BAIAP2L2: variants seen among roughly 807,000 people sequenced by gnomAD.
BAIAP2L2 encodes BAR/IMD domain-containing adapter protein 2-like 2.
Under a neutral mutation model 60.4 loss-of-function variants are expected in BAIAP2L2, and 65 were observed. That is an observed-to-expected ratio of 1.08 (90% CI 0.88 to 1.32). BAIAP2L2 has a LOEUF of 1.32. Among genes scored for constraint, BAIAP2L2 ranks in the 40% most tolerant of loss-of-function variants. The probability of loss-of-function intolerance (pLI) is 0.00; values close to 1 mark genes in which losing one functional copy is unlikely to be tolerated. For missense variants in BAIAP2L2, 836 were observed against 741.2 expected, an observed-to-expected ratio of 1.13 and a Z score of -1.48; for synonymous variants, 344 against 301.7, an observed-to-expected ratio of 1.14 and a Z score of -1.45.
chr22:38,097,972 G>A (rs2086477962), intron 6 of BAIAP2L2, 91 bp downstream of exon 6: 1 of 1,214,054 alleles, frequency 8.2e-7, no homozygotes, highest in Non-Finnish European at 1.2e-6. Flanking sequence ...GGGGAGCTCA[G>A]GGAGGCGTTC....
chr22:38,092,184 G>A (rs971343289), intron 7 of BAIAP2L2, among the ~76,000 whole-genome samples: 1 of 152,210 alleles, frequency 6.6e-6, no homozygotes, highest in African/African-American at 2.4e-5. Context: ...GACTAGACTT[G>A]GACTAAGCAA....
chr22:38,098,267 T>C, intron 5 of BAIAP2L2, 88 bp from the exon 6 acceptor site: 2 of 1,509,596 alleles, frequency 1.3e-6, no homozygotes, highest in Non-Finnish European at 1.8e-6. Flanking sequence ...CCTGGAAGTT[T>C]GGAGACTTGG....
chr22:38,091,826 A>G (rs998989666), intron 7 of BAIAP2L2, among the ~76,000 whole-genome samples: 3 of 152,226 alleles, frequency 2.0e-5, no homozygotes, highest in Non-Finnish European at 4.4e-5. Context: ...CTACAAATTA[A>G]TAAGTGGATG....
In BAIAP2L2 at chr22:38,085,378, G is replaced by C; in HGVS notation, c.1515-3C>G. On this transcript the variant is annotated splice_region_variant and splice_polypyrimidine_tract_variant and intron_variant, in intron 13 of 13. Transcript: ENST00000381669. ...CAGTGGCAAAAGGATTTGTGCCCCT[G>C]TAGGAGGAGAGAGAGAATGGGGTGA... 1 of 1,613,480 alleles carries C rather than the reference G, an allele frequency of 6.2e-7. No individual in the cohort carries two copies. Among genetic ancestry groups the C allele is most frequent in the Non-Finnish European group, 8.5e-7 (1 of 1,179,558 alleles).
intron 2 of BAIAP2L2, among the ~76,000 whole-genome samples, chr22:38,108,803 G>A (rs1315005205): frequency 6.6e-6 from 1 of 152,030 alleles, no homozygotes; most frequent in African/African-American, 2.4e-5. Flanking sequence ...GTGGCATCCA[G>A]GTGACGCCTA....
chr22:38,086,962 C>T (rs927876799), intron 11 of BAIAP2L2, among the ~76,000 whole-genome samples, 162 bp downstream of exon 11: 14 of 149,224 alleles, frequency 9.4e-5, no homozygotes, highest in African/African-American at 3.2e-4. Flanking sequence ...CGCCACTGCA[C>T]TCCAGCCTGG....
In BAIAP2L2 at chr22:38,085,223, TGCTGCTGTC is replaced by T. The variant is rs1442683081; in HGVS notation, c.*68_*76del. On this transcript the variant is annotated 3_prime_UTR_variant, in exon 14 of 14. Coordinates refer to ENST00000381669, the MANE Select transcript of BAIAP2L2 (RefSeq NM_025045.6). ...ACCCGCTTCTTGGATCTGCTGCTGT[TGCTGCTGTC>T]GCTGCCATTGCCAGCTCTGAACAGC... The T allele has an allele frequency of 5.4e-5, 80 of 1,485,718 alleles. No individual in the cohort carries two copies. Among genetic ancestry groups the T allele is most frequent in the South Asian group, 3.2e-4 (27 of 85,552 alleles). 92.0% of individuals were successfully genotyped at this position (1,485,718 alleles called of 1,614,324 possible).
Position 38,087,145 on chromosome 22 carries a change from G to A in BAIAP2L2, c.1238C>T (p.Pro413Leu), listed in dbSNP as rs1443879002. ...TSMSPMTPMNPGNELPSRSYP... is the reference protein window; with the variant it reads ...TSMSPMTPMNLGNELPSRSYP... ...GTACCTGGAAGGCAGCTCGTTCCCG[G>A]GGTTCATGGGTGTCATGGGGGACAT... Residue 413 changes from proline (P) to leucine (L), a missense_variant, in exon 11 of 14, where the codon CCC becomes CTC. Transcript: ENST00000381669. The A allele has an allele frequency of 9.4e-6, 15 of 1,587,682 alleles. No homozygotes were observed. Among genetic ancestry groups the A allele is most frequent in the Non-Finnish European group, 1.2e-5 (14 of 1,169,570 alleles).
chr22:38,085,514 ATCT>A, intron 13 of BAIAP2L2, 139 bp from the exon 14 acceptor site: 4 of 1,284,236 alleles, frequency 3.1e-6, no homozygotes, highest in South Asian at 2.6e-5. Context: ...GCCCCGCTTC[ATCT>A]TTTTTTTTCT....
At chr22:38,096,445 A>G (rs897748189) in intron 7 of BAIAP2L2, among the ~76,000 whole-genome samples, 9 of 152,226 alleles carry the variant, frequency 5.9e-5, no homozygotes, top group Admixed American at 5.9e-4. Flanking sequence ...GCTTGAGGTC[A>G]GGAGTTTGAG....
At position 38,089,157 on chromosome 22, in the gene BAIAP2L2, G is replaced by T; in HGVS notation, c.840C>A (p.Asp280Glu). ...HGSGSYGTEP[D>E]ARPASQLEPD... Reference sequence around the variant, plus strand: ...GCTCTAGCTGGGACGCGGGCCTCGCGTCGGGCTCGGTGCCGTAGGAGCCGG... The same window carrying T: ...GCTCTAGCTGGGACGCGGGCCTCGCTTCGGGCTCGGTGCCGTAGGAGCCGG... Residue 280 changes from aspartate (D) to glutamate (E), a missense_variant, in exon 9 of 14, where the codon GAC becomes GAA. Physicochemically the swap from Asp to Glu is conservative, Grantham distance 45. Coordinates refer to ENST00000381669, the MANE Select transcript of BAIAP2L2 (RefSeq NM_025045.6). 7.5e-7 allele frequency: 1 copy of T among 1,339,728 alleles called. No homozygotes were observed. The highest frequency in any genetic ancestry group is 9.5e-7 in the Non-Finnish European group (1 of 1,050,034). The allele number at this position is 1,339,728 out of a possible 1,614,324, so 83.0% of individuals were successfully genotyped here. A position where few individuals can be genotyped will look rare whatever the true frequency, so the allele number is the denominator to read the frequency against.
Position 38,110,612 on chromosome 22 carries a change from C to T in BAIAP2L2, c.-87G>A, listed in dbSNP as rs2086825428. 3.5e-6 allele frequency: 4 copies of T among 1,133,646 alleles called. No individual in the cohort carries two copies. Among genetic ancestry groups the T allele is most frequent in the Non-Finnish European group, 5.0e-6 (4 of 799,716 alleles). 70.2% of individuals were successfully genotyped at this position (1,133,646 alleles called of 1,614,324 possible). A position where few individuals can be genotyped will look rare whatever the true frequency, so the allele number is the denominator to read the frequency against. On this transcript the variant is annotated 5_prime_UTR_variant, in exon 1 of 14. Transcript: ENST00000381669. Reference sequence around the variant, plus strand: ...GCAGTGGTAGGTAGTCCCTCAGGTGCCCACGACTCAGCTGGCAGCGAGGAA... The same window carrying T: ...GCAGTGGTAGGTAGTCCCTCAGGTGTCCACGACTCAGCTGGCAGCGAGGAA...
At chr22:38,085,846 G>A (rs1601979527) in intron 12 of BAIAP2L2, 114 bp from the exon 13 acceptor site, 1 of 1,036,026 alleles carries the variant, frequency 9.7e-7, no homozygotes, top group East Asian at 2.4e-5. Flanking sequence ...GAGAGCCCCT[G>A]CCATGCCAGG....
Position 38,086,413 on chromosome 22 carries a change from G to T in BAIAP2L2, c.1296C>A (p.Asp432Glu). ...YPLRGSHSLD[D>E]LLDRPGNSIA... ...TGGAGTTGCCCGGCCGGTCCAGGAG[G>T]TCATCGAGGCTGTGGCTGCCCCGGA... Residue 432 changes from aspartate (D) to glutamate (E), a missense_variant, in exon 12 of 14, where the codon GAC becomes GAA. Asp to Glu is a conservative substitution (Grantham distance 45, BLOSUM62 2). Transcript: ENST00000381669. 4 of 1,529,862 alleles carry T rather than the reference G, an allele frequency of 2.6e-6. No homozygotes were observed. The highest frequency in any genetic ancestry group is 2.0e-5 in the Admixed American group (1 of 50,478). The allele number at this position is 1,529,862 out of a possible 1,614,324, so 94.8% of individuals were successfully genotyped here. A position where few individuals can be genotyped will look rare whatever the true frequency, so the allele number is the denominator to read the frequency against.
At chr22:38,108,808 C>T (rs142792970) in intron 2 of BAIAP2L2, among the ~76,000 whole-genome samples, 236 of 151,960 alleles carry the variant, frequency 1.6e-3, no homozygotes, top group Non-Finnish European at 2.1e-3. Flanking sequence ...ATCCAGGTGA[C>T]GCCTAGAAAT....
chr22:38,094,406 G>C (rs770429209), intron 7 of BAIAP2L2, among the ~76,000 whole-genome samples: 1 of 152,066 alleles, frequency 6.6e-6, no homozygotes, highest in South Asian at 2.1e-4. Flanking sequence ...GGGTGGCCTC[G>C]AACTCCTGTC....
chr22:38,095,639 AC>A (rs1374324216), intron 7 of BAIAP2L2, among the ~76,000 whole-genome samples: 5 of 152,300 alleles, frequency 3.3e-5, no homozygotes, highest in Non-Finnish European at 7.3e-5. Context: ...TGTTGGGGTT[AC>A]TGGTGTGAGC....
intron 4 of BAIAP2L2, among the ~76,000 whole-genome samples, chr22:38,105,648 G>T (rs578222240): frequency 2.0e-5 from 3 of 152,046 alleles, no homozygotes; most frequent in Middle Eastern, 3.4e-3. Context: ...GGGACCTTTA[G>T]GCCTTTTTCA....
chr22:38,096,298 G>A (rs887634016), intron 7 of BAIAP2L2, among the ~76,000 whole-genome samples: 1 of 152,188 alleles, frequency 6.6e-6, no homozygotes, highest in South Asian at 2.1e-4. Context: ...AATCCAATGA[G>A]AGATGAGAGA....
Sources: allele counts gnomAD v4.1 joint callset (sites outside exome capture counted in the v4.1 genomes callset), GRCh38; gene constraint gnomAD v4.1.1; transcripts MANE v1.5; gene names NCBI Gene and HGNC (gene_info 2026-07-23, HGNC 2026-07-21).